KIAA1958: variants seen among roughly 807,000 people sequenced by gnomAD.
KIAA1958 encodes KIAA1958.
In KIAA1958, 14 loss-of-function variants were observed where a neutral mutation model predicts 47.2. The observed-to-expected ratio is 0.30, with a 90% CI of 0.20 to 0.46. The LOEUF is 0.46. Ranked by LOEUF, KIAA1958 falls within the 20% of genes least tolerant of loss-of-function variation. KIAA1958 has a pLI of 1.00. For synonymous variants in KIAA1958, 354 were observed against 353.3 expected, an observed-to-expected ratio of 1.00 and a Z score of -0.02; for missense variants, 803 against 909.2, an observed-to-expected ratio of 0.88 and a Z score of 1.50.
chr9:112,518,463 A>G (rs1044959211), intron 1 of KIAA1958, among the ~76,000 whole-genome samples: 1 of 152,250 alleles, frequency 6.6e-6, no homozygotes, highest in African/African-American at 2.4e-5. Flanking sequence ...AGCCAGGTCA[A>G]AAAACAGATA....
chr9:112,659,391 T>C lies in KIAA1958; in HGVS notation c.1473T>C (p.Asn491=). The change falls in exon 4 of 4, where the codon AAT becomes AAC. Residue 491 remains asparagine, a synonymous_variant. Transcript: ENST00000337530. ...IRRGLDRILK[N]AGVGFSITSS... ...GAGGCCTGGACCGCATCCTGAAGAA[T>C]GCAGGTGTCGGCTTTTCCATCACCA... The C allele has an allele frequency of 3.1e-6, 5 of 1,614,202 alleles. No homozygotes were observed. In the South Asian group the frequency reaches 5.5e-5, roughly 18 times the overall value.
rs528124052 is a variant in KIAA1958 at position 112,494,558 on chromosome 9, TC to T, written c.-25+7441del. ...ATCATGGTTTACAGCAGTGTCAACG[TC>T]TCTGGCCTCAGGTGATCCTCCCAGT... On this transcript the variant is annotated intron_variant, in intron 1 of 3. Transcript: ENST00000337530. 6.4e-3 allele frequency among the ~76,000 whole-genome samples: 972 copies of T among 151,886 alleles called. 6 individuals carry two copies. The highest frequency in any genetic ancestry group is 0.01 in the Non-Finnish European group (706 of 67,930).
At position 112,667,203 on chromosome 9, in the gene KIAA1958, A is replaced by T. The variant is rs1346481915; in HGVS notation, c.*7134A>T. The T allele has an allele frequency of 6.6e-6, 1 of 152,244 alleles. No individual in the cohort carries two copies. The highest frequency in any genetic ancestry group is 1.5e-5 in the Non-Finnish European group (1 of 68,050). 9.4% of individuals were successfully genotyped at this position (152,244 alleles called of 1,614,324 possible). ...TTTAACTGAAAAAGGGATTCAACAA[A>T]CATTCACATGAACAGGGTCTGGGAA... is the stretch of plus-strand genomic sequence containing the variant. On this transcript the variant is annotated 3_prime_UTR_variant, in exon 4 of 4. Coordinates refer to ENST00000337530, the MANE Select transcript of KIAA1958 (RefSeq NM_133465.4).
At chr9:112,653,973 T>G (rs572436844) in intron 3 of KIAA1958, among the ~76,000 whole-genome samples, 1 of 152,276 alleles carries the variant, frequency 6.6e-6, no homozygotes, top group African/African-American at 2.4e-5. Flanking sequence ...GGCTTGGAAT[T>G]CACACACTGT....
chr9:112,588,726 G>A (rs1386925567), intron 2 of KIAA1958, among the ~76,000 whole-genome samples: 1 of 152,102 alleles, frequency 6.6e-6, no homozygotes, highest in Non-Finnish European at 1.5e-5. Context: ...TCCCAAGCTG[G>A]TTTCCTGCTA....
chr9:112,606,691 A>G (rs1362746017), intron 2 of KIAA1958, among the ~76,000 whole-genome samples: 1 of 152,236 alleles, frequency 6.6e-6, no homozygotes, highest in African/African-American at 2.4e-5. Context: ...ATGTACATTC[A>G]AAGAAAATTT....
chr9:112,633,951 A>G (rs1452587196), intron 2 of KIAA1958, among the ~76,000 whole-genome samples: 1 of 152,186 alleles, frequency 6.6e-6, no homozygotes, highest in Non-Finnish European at 1.5e-5. Flanking sequence ...ATATTCATAC[A>G]TTCATGATAT....
chr9:112,609,536 G>A (rs1156874166), intron 2 of KIAA1958, among the ~76,000 whole-genome samples: 2 of 152,094 alleles, frequency 1.3e-5, no homozygotes, highest in African/African-American at 4.8e-5. Flanking sequence ...CACAGAGATT[G>A]GGAAACTTTA....
intron 1 of KIAA1958, among the ~76,000 whole-genome samples, chr9:112,554,719 C>G (rs1247561718): frequency 6.6e-6 from 1 of 152,052 alleles, no homozygotes; most frequent in Non-Finnish European, 1.5e-5. Flanking sequence ...AGAAACAGGT[C>G]CTGTATTTTC....
intron 1 of KIAA1958, among the ~76,000 whole-genome samples, chr9:112,521,570 A>G (rs576472197): frequency 1.3e-5 from 2 of 152,252 alleles, no homozygotes; most frequent in South Asian, 4.1e-4. Context: ...CTCTTAGATT[A>G]TCATGTTAAT....
chr9:112,604,885 CTA>C (rs775754318), intron 2 of KIAA1958, among the ~76,000 whole-genome samples: 6 of 146,646 alleles, frequency 4.1e-5, no homozygotes, highest in African/African-American at 7.5e-5. Flanking sequence ...GGCGTGGACA[CTA>C]TATATATATA....
chr9:112,569,233 G>C (rs1041209200), intron 1 of KIAA1958, among the ~76,000 whole-genome samples: 1 of 152,024 alleles, frequency 6.6e-6, no homozygotes, highest in Non-Finnish European at 1.5e-5. Flanking sequence ...CCCGTTTTCT[G>C]TGCCATGCTT....
At chr9:112,633,870 G>A (rs747606042) in intron 2 of KIAA1958, among the ~76,000 whole-genome samples, 10 of 152,070 alleles carry the variant, frequency 6.6e-5, no homozygotes, top group Non-Finnish European at 1.3e-4. Context: ...GCATACCATT[G>A]TTTATGGGGT....
At chr9:112,649,749 G>C (rs999285974) in intron 3 of KIAA1958, among the ~76,000 whole-genome samples, 12 of 152,136 alleles carry the variant, frequency 7.9e-5, no homozygotes, top group African/African-American at 2.7e-4. Flanking sequence ...ACTATCCTCT[G>C]TGAAAACAGC....
At chr9:112,511,239 G>A (rs999446630) in intron 1 of KIAA1958, among the ~76,000 whole-genome samples, 3 of 152,200 alleles carry the variant, frequency 2.0e-5, no homozygotes, top group African/African-American at 7.2e-5. Context: ...TGTTAGAAAT[G>A]CACATTCTTG....
chr9:112,497,979 T>C (rs563566731), intron 1 of KIAA1958, among the ~76,000 whole-genome samples: 4 of 152,250 alleles, frequency 2.6e-5, no homozygotes, highest in Non-Finnish European at 4.4e-5. Context: ...AAATACCTCA[T>C]TAGGCAAGAA....
chr9:112,586,078 CA>C (rs1358493462), intron 2 of KIAA1958, among the ~76,000 whole-genome samples: 2 of 152,124 alleles, frequency 1.3e-5, no homozygotes, highest in Non-Finnish European at 2.9e-5. Context: ...AAAAACAAAA[CA>C]AAACTTTTAA....
chr9:112,563,085 C>CTATATATA (rs374741842), intron 1 of KIAA1958, among the ~76,000 whole-genome samples: 4,329 of 131,476 alleles, frequency 0.033, 68 homozygotes, highest in Middle Eastern at 0.041. Flanking sequence ...CTCTCTCTCT[C>CTATATATA]TATATATATA....
At chr9:112,543,941 A>G (rs982984795) in intron 1 of KIAA1958, among the ~76,000 whole-genome samples, 2 of 152,158 alleles carry the variant, frequency 1.3e-5, no homozygotes, top group African/African-American at 2.4e-5. Flanking sequence ...TTTGTTTTTA[A>G]TGAATACATA....
Sources: gnomAD v4.1 joint callset for allele counts (sites outside exome capture counted in the v4.1 genomes callset) on GRCh38, gnomAD v4.1.1 for gene constraint, MANE v1.5 for transcripts, NCBI Gene and HGNC (gene_info 2026-07-23, HGNC 2026-07-21) for gene names.